Variants in BICC1 observed in about 807,000 individuals in gnomAD.
The protein encoded by BICC1 is BicC family RNA binding protein 1, also known as protein bicaudal C homolog 1.
BICC1 carries 43 observed loss-of-function variants against 111.0 expected under a neutral mutation model. The ratio of observed to expected loss-of-function variants is 0.39; its 90% CI spans 0.30 to 0.50. The LOEUF (loss-of-function observed/expected upper bound fraction) is 0.50. Among genes scored for constraint, BICC1 ranks in the 20% least tolerant of loss-of-function variants. The pLI is 0.88. For synonymous variants in BICC1, 467 were observed against 434.4 expected (o/e 1.07, Z -0.93); for missense variants, 1,091 against 1,203.2 (o/e 0.91, Z 1.38).
rs528172462 is a variant in BICC1 at position 58,818,424 on chromosome 10, C to T, written c.2694+702C>T. 5.3e-5 allele frequency among the ~76,000 whole-genome samples: 8 copies of T among 152,232 alleles called. No individual in the cohort carries two copies. The East Asian group carries it at 1.5e-3, about 29-fold the overall frequency. On this transcript the variant is annotated intron_variant, in intron 19 of 20. Transcript: ENST00000373886. ...GTCAGAAAATTAAAATGTTTCTATA[C>T]ATTTGTGTCTTTTTCAAATCAAGAC... is the stretch of plus-strand genomic sequence containing the variant.
intron 3 of BICC1, among the ~76,000 whole-genome samples, chr10:58,771,245 C>T (rs1842616175): frequency 6.6e-6 from 1 of 151,960 alleles, no homozygotes; most frequent in South Asian, 2.1e-4. Context: ...CATGGATATG[C>T]TAAGGGGATG....
At chr10:58,639,617 A>G (rs1838061657) in intron 2 of BICC1, among the ~76,000 whole-genome samples, 1 of 126,660 alleles carries the variant, frequency 7.9e-6, no homozygotes, top group South Asian at 2.5e-4. Context: ...GGGTTTCACC[A>G]TGTTGGCCAG....
chr10:58,688,345 G>C (rs1272026798), intron 2 of BICC1, among the ~76,000 whole-genome samples: 1 of 152,084 alleles, frequency 6.6e-6, no homozygotes, highest in Non-Finnish European at 1.5e-5. Context: ...CCTTTAGCTA[G>C]ACACAGAGCA....
At chr10:58,530,684 C>CAAAAAAA (rs67946394) in intron 1 of BICC1, among the ~76,000 whole-genome samples, 1 of 86,512 alleles carries the variant, frequency 1.2e-5, no homozygotes. Flanking sequence ...ACTTTAAATG[C>CAAAAAAA]AAAAAAAAAA....
intron 2 of BICC1, among the ~76,000 whole-genome samples, chr10:58,693,678 C>T (rs566176124): frequency 6.6e-6 from 1 of 152,184 alleles, no homozygotes; most frequent in South Asian, 2.1e-4. Context: ...AGTGTCTGTT[C>T]ATATCCTTTG....
intron 3 of BICC1, among the ~76,000 whole-genome samples, chr10:58,764,457 A>G (rs756937662): frequency 5.3e-5 from 8 of 152,166 alleles, no homozygotes; most frequent in Non-Finnish European, 1.2e-4. Context: ...TCACTTGTGG[A>G]TGAAAAAGCA....
chr10:58,527,545 T>A (rs1321220047), intron 1 of BICC1, among the ~76,000 whole-genome samples: 1 of 152,218 alleles, frequency 6.6e-6, no homozygotes, highest in East Asian at 1.9e-4. Context: ...CTAGGCTTTT[T>A]ATGGTTTTAG....
intron 1 of BICC1, among the ~76,000 whole-genome samples, chr10:58,577,112 G>A (rs567094654): frequency 1.3e-5 from 2 of 152,274 alleles, no homozygotes; most frequent in East Asian, 3.9e-4. Flanking sequence ...CTATCTGCTG[G>A]ACCTGTGATC....
chr10:58,692,399 A>G (rs760359398), intron 2 of BICC1, among the ~76,000 whole-genome samples: 213 of 152,356 alleles, frequency 1.4e-3, no homozygotes, highest in Non-Finnish European at 2.5e-3. Context: ...CTATGGGGAC[A>G]TCAAAATGAC....
intron 1 of BICC1, among the ~76,000 whole-genome samples, chr10:58,586,018 A>G (rs1564498764): frequency 6.6e-6 from 1 of 152,202 alleles, no homozygotes; most frequent in Non-Finnish European, 1.5e-5. Context: ...AACTTTATCA[A>G]TTAAGAGACA....
At chr10:58,748,548 T>G (rs1188071467) in intron 3 of BICC1, among the ~76,000 whole-genome samples, 1 of 149,014 alleles carries the variant, frequency 6.7e-6, no homozygotes, top group Non-Finnish European at 1.5e-5. Flanking sequence ...GATTTTTATC[T>G]TGACGTAGGG....
In BICC1 at chr10:58,564,458, T is replaced by C. The variant is rs147388608; in HGVS notation, c.190+51125T>C. Among the ~76,000 whole-genome samples the C allele has an allele frequency of 6.6e-4, 101 of 152,330 alleles. 1 individual carries two copies. The highest frequency in any genetic ancestry group is 2.4e-3 in the African/African-American group (98 of 41,576). On this transcript the variant is annotated intron_variant, in intron 1 of 20. Coordinates refer to ENST00000373886, the MANE Select transcript of BICC1 (RefSeq NM_001080512.3). ...GAACCTATTTTATGGATGAAGAACC[T>C]AATATTCAGTGAGATCACTGTAAGC...
intron 2 of BICC1, among the ~76,000 whole-genome samples, chr10:58,631,010 CCAG>C (rs1395486450): frequency 1.3e-5 from 2 of 151,976 alleles, no homozygotes; most frequent in Non-Finnish European, 1.5e-5. Context: ...TAGTCAGTTA[CCAG>C]CATTATTCAA....
chr10:58,821,800 A>C (rs1415578849), intron 20 of BICC1, among the ~76,000 whole-genome samples: 1 of 152,126 alleles, frequency 6.6e-6, no homozygotes, highest in Non-Finnish European at 1.5e-5. Context: ...GGCTTTACTT[A>C]TGCTAAGTCA....
intron 8 of BICC1, among the ~76,000 whole-genome samples, chr10:58,790,252 T>G (rs1254539055): frequency 6.6e-6 from 1 of 151,190 alleles, no homozygotes; most frequent in African/African-American, 2.4e-5. Flanking sequence ...ATCTGACCTG[T>G]AATATTAGTG....
intron 2 of BICC1, among the ~76,000 whole-genome samples, chr10:58,682,631 T>C (rs926388809): frequency 1.1e-4 from 16 of 152,196 alleles, no homozygotes; most frequent in Non-Finnish European, 2.1e-4. Flanking sequence ...ATGATGAGCA[T>C]TTTTTCATGT....
At chr10:58,562,270 T>C (rs1377620752) in intron 1 of BICC1, among the ~76,000 whole-genome samples, 4 of 152,164 alleles carry the variant, frequency 2.6e-5, no homozygotes, top group Non-Finnish European at 5.9e-5. Context: ...CATTGTCTTA[T>C]TGGCTTTCTC....
intron 1 of BICC1, among the ~76,000 whole-genome samples, chr10:58,592,183 T>G (rs545984904): frequency 6.6e-6 from 1 of 152,358 alleles, no homozygotes; most frequent in South Asian, 2.1e-4. Flanking sequence ...TTGTTATGTG[T>G]TGTGATGAGA....
intron 10 of BICC1, 109 bp from the exon 11 acceptor site, chr10:58,798,290 G>A (rs931976780): frequency 1.2e-6 from 1 of 839,332 alleles, no homozygotes; most frequent in African/African-American, 1.8e-5. Flanking sequence ...TTTATATTTA[G>A]AAAATATCAG....
Sources: allele counts gnomAD v4.1 joint callset (sites outside exome capture counted in the v4.1 genomes callset), GRCh38; gene constraint gnomAD v4.1.1; transcripts MANE v1.5; gene names NCBI Gene and HGNC (gene_info 2026-07-23, HGNC 2026-07-21).